Variants in ADAM22 observed in about 807,000 individuals in gnomAD.
ADAM22 encodes ADAM metallopeptidase domain 22, also known as disintegrin and metalloproteinase domain-containing protein 22.
Under a neutral mutation model 144.6 loss-of-function variants are expected in ADAM22, and 65 were observed. That is an observed-to-expected ratio of 0.45 (90% CI 0.37 to 0.55). The LOEUF is 0.55. Among genes scored for constraint, ADAM22 ranks in the 20% least tolerant of loss-of-function variants. ADAM22 has a pLI of 0.00. For missense variants in ADAM22, 974 were observed against 1,184.9 expected, an observed-to-expected ratio of 0.82 and a Z score of 2.61; for synonymous variants, 391 against 412.6, an observed-to-expected ratio of 0.95 and a Z score of 0.63.
chr7:88,068,786 A>G (rs1811952234), intron 3 of ADAM22, among the ~76,000 whole-genome samples: 1 of 152,144 alleles, frequency 6.6e-6, no homozygotes, highest in Admixed American at 6.5e-5. Flanking sequence ...AGCTAGGGAC[A>G]TGATTCTCCT....
chr7:87,995,185 C>T (rs1790860515), intron 3 of ADAM22, among the ~76,000 whole-genome samples: 2 of 152,114 alleles, frequency 1.3e-5, no homozygotes, highest in African/African-American at 4.8e-5. Context: ...TCTATCCTTC[C>T]CTCTGCAAAA....
At chr7:88,074,574 C>T (rs1483691174) in intron 3 of ADAM22, among the ~76,000 whole-genome samples, 3 of 152,178 alleles carry the variant, frequency 2.0e-5, no homozygotes, top group Non-Finnish European at 4.4e-5. Flanking sequence ...GTGTTTTCTA[C>T]AGCTTGCAGC....
At chr7:88,181,208 C>T (rs1226065421) in intron 27 of ADAM22, among the ~76,000 whole-genome samples, 1 of 152,004 alleles carries the variant, frequency 6.6e-6, no homozygotes, top group East Asian at 1.9e-4. Context: ...AGTGAATTTG[C>T]TCTGTGGTTG....
At position 88,196,505 on chromosome 7, in the gene ADAM22, C is replaced by T; in HGVS notation, c.*14C>T. ...ACATCCATTTAAGATCAACTGTTTA[C>T]ATGTGATACATCGAAAACTGTTTAC... On this transcript the variant is annotated 3_prime_UTR_variant, in exon 32 of 32. Transcript: ENST00000413139. 1 of 1,613,940 alleles carries T rather than the reference C, an allele frequency of 6.2e-7. No homozygotes were observed. The highest frequency in any genetic ancestry group is 1.7e-4 in the Middle Eastern group (1 of 6,060).
chr7:88,172,379 T>G (rs1383970822), intron 26 of ADAM22, among the ~76,000 whole-genome samples: 1 of 151,896 alleles, frequency 6.6e-6, no homozygotes. Flanking sequence ...TCCTGGAAAC[T>G]GATAACCTAG....
At position 87,973,514 on chromosome 7, in the gene ADAM22, G is replaced by T. The variant is rs530118374; in HGVS notation, c.247-4822G>T. Among the ~76,000 whole-genome samples the T allele has an allele frequency of 2.5e-3, 378 of 152,142 alleles. 1 individual carries two copies. Among genetic ancestry groups the T allele is most frequent in the African/African-American group, 8.7e-3 (361 of 41,504 alleles). ...GGGACTGTAAACTAGTTCAACCATT[G>T]TGGAAGTCAGTGTGGCGATTCCTCA... On this transcript the variant is annotated intron_variant, in intron 2 of 31. Coordinates refer to ENST00000413139, the MANE Select transcript of ADAM22 (RefSeq NM_001324418.2).
chr7:88,184,329 G>C, intron 29 of ADAM22: 1 of 437,412 alleles, frequency 2.3e-6, no homozygotes. Context: ...GCACTCCCTC[G>C]CCCAGACAGT....
Position 88,003,263 on chromosome 7 carries a change from C to T in ADAM22, c.323+24851C>T, listed in dbSNP as rs147077342. ...TCAATTTAAAATTGCCCTCTTTGTT[C>T]CAGAAACTTTATATTCATTATCTCA... On this transcript the variant is annotated intron_variant, in intron 3 of 31. Transcript: ENST00000413139. Among the ~76,000 whole-genome samples the T allele has an allele frequency of 4.1e-3, 618 of 152,244 alleles. 1 individual carries two copies. The highest frequency in any genetic ancestry group is 0.014 in the African/African-American group (585 of 41,534).
chr7:88,080,163 A>C (rs1010851388), intron 4 of ADAM22, among the ~76,000 whole-genome samples: 1 of 152,248 alleles, frequency 6.6e-6, no homozygotes, highest in Non-Finnish European at 1.5e-5. Flanking sequence ...ACCACAGTGC[A>C]ATCAAACCAG....
chr7:88,168,353 A>C, intron 25 of ADAM22, 126 bp downstream of exon 25: 1 of 934,972 alleles, frequency 1.1e-6, no homozygotes, highest in Non-Finnish European at 1.7e-6. Context: ...AGCTTGGCTC[A>C]GCAGCCAGTC....
intron 4 of ADAM22, among the ~76,000 whole-genome samples, chr7:88,083,373 GAT>G (rs1817447413): frequency 1.3e-5 from 2 of 151,924 alleles, no homozygotes; most frequent in African/African-American, 4.8e-5. Flanking sequence ...AGCATTAGGA[GAT>G]ATACCTAATG....
intron 3 of ADAM22, among the ~76,000 whole-genome samples, chr7:88,039,538 C>G (rs1219869976): frequency 6.9e-6 from 1 of 144,504 alleles, no homozygotes; most frequent in Non-Finnish European, 1.5e-5. Context: ...CTATATCTTT[C>G]CAAATATTAA....
intron 2 of ADAM22, among the ~76,000 whole-genome samples, chr7:87,944,816 G>GTTTTTTTTTTTTTTGTTT (rs1282363190): frequency 7.9e-6 from 1 of 127,026 alleles, no homozygotes; most frequent in African/African-American, 2.9e-5. Context: ...GGAAACTTGT[G>GTTTTTTTTTTTTTTGTTT]TTTTTTTTTT....
At chr7:88,081,824 A>G (rs1816751355) in intron 4 of ADAM22, among the ~76,000 whole-genome samples, 1 of 147,384 alleles carries the variant, frequency 6.8e-6, no homozygotes, top group Non-Finnish European at 1.5e-5. Flanking sequence ...ACCACTGCTC[A>G]AGGAAATAAA....
At chr7:88,178,503 C>A (rs1846238258) in intron 26 of ADAM22, among the ~76,000 whole-genome samples, 1 of 152,034 alleles carries the variant, frequency 6.6e-6, no homozygotes, top group Non-Finnish European at 1.5e-5. Flanking sequence ...ATCCAGGTTG[C>A]ATTATGTGAT....
intron 2 of ADAM22, among the ~76,000 whole-genome samples, chr7:87,968,828 T>A (rs1202104571): frequency 6.6e-6 from 1 of 152,134 alleles, no homozygotes; most frequent in African/African-American, 2.4e-5. Flanking sequence ...TTAGTTGGCT[T>A]ATGGTTCTGC....
At chr7:87,974,319 G>GA (rs562378838) in intron 2 of ADAM22, among the ~76,000 whole-genome samples, 1,762 of 142,044 alleles carry the variant, frequency 0.012, 30 homozygotes, top group Non-Finnish European at 0.019. Flanking sequence ...AAAAAAAAAA[G>GA]AAAAAAAATA....
chr7:88,162,132 A>ACACACACACACACACACACACT, intron 22 of ADAM22, among the ~76,000 whole-genome samples: 1 of 149,394 alleles, frequency 6.7e-6, no homozygotes, highest in Non-Finnish European at 1.5e-5. Context: ...ACACACACAC[A>ACACACACACACACACACACACT]CCATGGAATA....
Position 88,128,636 on chromosome 7 carries a change from C to A in ADAM22, c.713C>A (p.Thr238Asn). Residue 238 changes from threonine to asparagine, a missense_variant, in exon 9 of 32, where the codon ACC (threonine) becomes AAC (asparagine). By Grantham distance (65) the Thr-to-Asn change is moderately conservative. This residue lies in a region of ADAM22 where 734 missense variants were observed against 950.6 expected (regional missense o/e 0.77). Transcript: ENST00000413139. ...TATCCTCGTAATGTAGAAGAAGAAACCAAATACATTGAACTGATGATTGTG... is the reference window on the plus strand; with the variant it reads ...TATCCTCGTAATGTAGAAGAAGAAAACAAATACATTGAACTGATGATTGTG... ...RRYPRNVEEETKYIELMIVND... is the reference protein window; with the variant it reads ...RRYPRNVEEENKYIELMIVND... The A allele has an allele frequency of 6.2e-7, 1 of 1,611,950 alleles. No homozygotes were observed. The highest frequency in any genetic ancestry group is 8.5e-7 in the Non-Finnish European group (1 of 1,178,432).
Sources: gnomAD v4.1 joint callset for allele counts (sites outside exome capture counted in the v4.1 genomes callset) on GRCh38, gnomAD v4.1.1 for gene constraint, gnomAD v4.1.1 regional missense constraint, MANE v1.5 for transcripts, NCBI Gene and HGNC (gene_info 2026-07-23, HGNC 2026-07-21) for gene names.